The following NKAIN2 variants were observed in gnomAD, a reference collection of about 807,000 sequenced individuals.
The protein encoded by NKAIN2 is sodium/potassium-transporting ATPase subunit beta-1-interacting protein 2.
In NKAIN2, 14 loss-of-function variants were observed where a neutral mutation model predicts 32.6. The observed-to-expected ratio is 0.43, with a 90% CI of 0.28 to 0.67. The LOEUF (loss-of-function observed/expected upper bound fraction) is 0.67. NKAIN2 is among the 30% of genes least tolerant of loss of function. The pLI is 0.17. For missense variants in NKAIN2, 198 were observed against 258.3 expected (o/e 0.77, Z 1.60); for synonymous variants, 80 against 87.2 (o/e 0.92, Z 0.46).
At position 124,389,747 on chromosome 6, in the gene NKAIN2, GT is replaced by G. The variant is rs1194742617; in HGVS notation, c.273+34401del. ...TGTGTGTGTGTGTGTGTGTGTGTGT[GT>G]GTGGGTTTGAATCTGTGACTGTAGA... On this transcript the variant is annotated intron_variant, in intron 3 of 6. Transcript: ENST00000368417. Among the ~76,000 whole-genome samples the G allele has an allele frequency of 6.9e-3, 916 of 132,870 alleles. 10 individuals are homozygous for G. Among genetic ancestry groups the G allele is most frequent in the African/African-American group, 0.029 (747 of 25,416 alleles). The allele number at this position is 132,870 out of a possible 152,430, so 87.2% of individuals were successfully genotyped here. A position where few individuals can be genotyped will look rare whatever the true frequency, so the allele number is the denominator to read the frequency against.
chr6:124,220,373 T>C (rs1320582728), intron 1 of NKAIN2, among the ~76,000 whole-genome samples: 2 of 152,142 alleles, frequency 1.3e-5, no homozygotes, highest in Non-Finnish European at 2.9e-5. Context: ...AATTACCTAG[T>C]CTTGGGCACT....
At chr6:124,738,532 A>G (rs188496056) in intron 4 of NKAIN2, among the ~76,000 whole-genome samples, 1 of 151,658 alleles carries the variant, frequency 6.6e-6, no homozygotes, top group Admixed American at 6.6e-5. Flanking sequence ...CTATTTAACA[A>G]TATTTTACAC....
chr6:124,656,796 T>C (rs978212635), intron 3 of NKAIN2, among the ~76,000 whole-genome samples: 2 of 152,120 alleles, frequency 1.3e-5, no homozygotes, highest in Admixed American at 6.6e-5. Flanking sequence ...CCAAGGATCA[T>C]TACTTTAGAT....
intron 1 of NKAIN2, among the ~76,000 whole-genome samples, chr6:124,252,765 A>G (rs1490888627): frequency 6.6e-6 from 1 of 152,088 alleles, no homozygotes; most frequent in Non-Finnish European, 1.5e-5. Context: ...GGTTCAGTCA[A>G]CTACCTTTGT....
At chr6:124,683,669 C>T (rs988205484) in intron 4 of NKAIN2, among the ~76,000 whole-genome samples, 2 of 151,434 alleles carry the variant, frequency 1.3e-5, no homozygotes, top group African/African-American at 4.9e-5. Flanking sequence ...CTTGTTTGAT[C>T]CCCCCCACCC....
Position 123,850,302 on chromosome 6 carries a change from A to G in NKAIN2, c.54+46048A>G, listed in dbSNP as rs528098594. 5.4e-5 allele frequency among the ~76,000 whole-genome samples: 8 copies of G among 148,754 alleles called. No individual in the cohort carries two copies. The East Asian group carries it at 9.9e-4, about 18-fold the overall frequency. ...CTCAGAGTAGAAGGGACTGGATCAC[A>G]TTTCCCCGCCTAACTGGCTGATAAC... On this transcript the variant is annotated intron_variant, in intron 1 of 6. Coordinates refer to ENST00000368417, the MANE Select transcript of NKAIN2 (RefSeq NM_001040214.3).
chr6:124,551,068 A>G (rs1317936234), intron 3 of NKAIN2, among the ~76,000 whole-genome samples: 4 of 152,310 alleles, frequency 2.6e-5, no homozygotes, highest in African/African-American at 9.6e-5. Context: ...GCAGATGTGG[A>G]GTAGGCAGAT....
intron 1 of NKAIN2, among the ~76,000 whole-genome samples, chr6:124,188,686 A>G (rs1206240293): frequency 2.6e-5 from 4 of 152,172 alleles, no homozygotes; most frequent in African/African-American, 9.7e-5. Flanking sequence ...GATACTCACT[A>G]AAGTCAATCC....
intron 1 of NKAIN2, among the ~76,000 whole-genome samples, chr6:123,857,165 C>G (rs1041001244): frequency 7.9e-5 from 12 of 152,068 alleles, no homozygotes; most frequent in African/African-American, 2.9e-4. Flanking sequence ...CATACAGTGT[C>G]AGGGGTTTAT....
At chr6:124,822,357 T>A (rs1781427930) in intron 6 of NKAIN2, among the ~76,000 whole-genome samples, 1 of 152,206 alleles carries the variant, frequency 6.6e-6, no homozygotes, top group Admixed American at 6.5e-5. Context: ...TAATTTAACT[T>A]CAGGGGCCAG....
chr6:124,465,052 G>C (rs1317603004), intron 3 of NKAIN2, among the ~76,000 whole-genome samples: 1 of 151,912 alleles, frequency 6.6e-6, no homozygotes, highest in Non-Finnish European at 1.5e-5. Context: ...CTTGAGCAGT[G>C]GTTTGTAGTT....
At chr6:124,681,165 A>G (rs1257949465) in intron 4 of NKAIN2, among the ~76,000 whole-genome samples, 2 of 151,962 alleles carry the variant, frequency 1.3e-5, no homozygotes, top group Non-Finnish European at 2.9e-5. Flanking sequence ...TTCTTCCCAT[A>G]TCAATCATTG....
intron 3 of NKAIN2, among the ~76,000 whole-genome samples, chr6:124,489,531 T>C (rs1777779355): frequency 6.6e-6 from 1 of 151,848 alleles, no homozygotes; most frequent in Non-Finnish European, 1.5e-5. Context: ...CTACCTTAAA[T>C]GTGCTCAAAA....
intron 2 of NKAIN2, among the ~76,000 whole-genome samples, chr6:124,313,768 C>T (rs1796820447): frequency 6.6e-6 from 1 of 152,032 alleles, no homozygotes; most frequent in African/African-American, 2.4e-5. Context: ...TCTGTTGTTT[C>T]CTTAAAGGAT....
chr6:123,805,782 A>G (rs958669171), intron 1 of NKAIN2, among the ~76,000 whole-genome samples: 2 of 152,180 alleles, frequency 1.3e-5, no homozygotes, highest in African/African-American at 4.8e-5. Context: ...ATTATTCAGA[A>G]AAAGAATACA....
At chr6:123,921,426 T>A (rs1431490080) in intron 1 of NKAIN2, among the ~76,000 whole-genome samples, 1 of 152,248 alleles carries the variant, frequency 6.6e-6, no homozygotes, top group Non-Finnish European at 1.5e-5. Context: ...ATTCATTCCC[T>A]CAGTCATAGA....
intron 4 of NKAIN2, among the ~76,000 whole-genome samples, chr6:124,691,971 A>T (rs1774278201): frequency 6.6e-6 from 1 of 152,256 alleles, no homozygotes; most frequent in African/African-American, 2.4e-5. Flanking sequence ...CATGATCATC[A>T]AATGATAAAA....
chr6:124,197,088 T>A (rs1790351456), intron 1 of NKAIN2, among the ~76,000 whole-genome samples: 1 of 151,502 alleles, frequency 6.6e-6, no homozygotes, highest in South Asian at 2.1e-4. Flanking sequence ...TCTTTATATA[T>A]ATTTATATAG....
chr6:123,841,060 A>G (rs1246523400), intron 1 of NKAIN2, among the ~76,000 whole-genome samples: 1 of 151,788 alleles, frequency 6.6e-6, no homozygotes, highest in African/African-American at 2.4e-5. Flanking sequence ...CAAATGTCCA[A>G]ACTCAGGTAC....
Sources: allele counts gnomAD v4.1 joint callset (sites outside exome capture counted in the v4.1 genomes callset), GRCh38; gene constraint gnomAD v4.1.1; transcripts MANE v1.5; gene names NCBI Gene and HGNC (gene_info 2026-07-23, HGNC 2026-07-21).